CCBE1: variants seen among roughly 807,000 people sequenced by gnomAD.
The protein encoded by CCBE1 is collagen and calcium-binding EGF domain-containing protein 1.
CCBE1 carries 37 observed loss-of-function variants against 50.0 expected under a neutral mutation model. The observed-to-expected ratio is 0.74, with a 90% CI of 0.57 to 0.97. CCBE1 has a LOEUF of 0.97. Among genes scored for constraint, CCBE1 ranks in the 50% least tolerant of loss-of-function variants. The pLI is 0.00. For synonymous variants in CCBE1, 234 were observed against 203.7 expected (o/e 1.15, Z -1.27); for missense variants, 538 against 523.8 (o/e 1.03, Z -0.26).
chr18:59,601,665 TGA>T (rs2053436317), intron 2 of CCBE1, among the ~76,000 whole-genome samples: 1 of 152,242 alleles, frequency 6.6e-6, no homozygotes, highest in South Asian at 2.1e-4. Context: ...CCCAAAGTGC[TGA>T]GATTAGACAT....
chr18:59,493,836 T>C (rs867309634), intron 2 of CCBE1, among the ~76,000 whole-genome samples: 4 of 152,226 alleles, frequency 2.6e-5, no homozygotes, highest in African/African-American at 9.6e-5. Context: ...TAAGAGCTAA[T>C]TGAATCATGA....
chr18:59,618,091 G>A (rs138430464), intron 2 of CCBE1, among the ~76,000 whole-genome samples: 255 of 152,274 alleles, frequency 1.7e-3, no homozygotes, highest in Admixed American at 2.7e-3. Flanking sequence ...TGAGGTATAT[G>A]TCCCCCATAA....
chr18:59,621,430 C>T (rs561399703), intron 2 of CCBE1, among the ~76,000 whole-genome samples: 2 of 152,188 alleles, frequency 1.3e-5, no homozygotes, highest in Non-Finnish European at 2.9e-5. Context: ...TCCTCACATC[C>T]ACCCAGTGGA....
At chr18:59,449,843 C>A (rs1300610046) in intron 6 of CCBE1, among the ~76,000 whole-genome samples, 3 of 152,154 alleles carry the variant, frequency 2.0e-5, no homozygotes, top group Admixed American at 6.5e-5. Flanking sequence ...TCCCCCCAGT[C>A]CTCTTTGCTT....
chr18:59,612,465 G>C (rs2053583693), intron 2 of CCBE1, among the ~76,000 whole-genome samples: 1 of 152,136 alleles, frequency 6.6e-6, no homozygotes, highest in South Asian at 2.1e-4. Context: ...CTGATGGAGA[G>C]TGCTTCCCCC....
chr18:59,572,809 G>A (rs2052933287), intron 2 of CCBE1, among the ~76,000 whole-genome samples: 1 of 152,142 alleles, frequency 6.6e-6, no homozygotes, highest in East Asian at 1.9e-4. Context: ...GCAATGTCTT[G>A]AAGACATTAA....
upstream of CCBE1, chr18:59,697,521 G>T: frequency 1.2e-6 from 1 of 806,666 alleles, no homozygotes; most frequent in Non-Finnish European, 1.9e-6. Context: ...GGAAAATGAG[G>T]CTAGGAGTTG....
chr18:59,572,392 T>A (rs1331090849), intron 2 of CCBE1, among the ~76,000 whole-genome samples: 1 of 152,204 alleles, frequency 6.6e-6, no homozygotes. Flanking sequence ...ACAGATCGAT[T>A]TTTTGAGATT....
At chr18:59,547,667 A>G (rs73963231) in intron 2 of CCBE1, among the ~76,000 whole-genome samples, 7,163 of 152,236 alleles carry the variant, frequency 0.047, 568 homozygotes, top group African/African-American at 0.16. Flanking sequence ...GCTGAAGACA[A>G]TTTTGGTCTA....
intron 2 of CCBE1, among the ~76,000 whole-genome samples, chr18:59,663,300 C>G (rs1454433229): frequency 6.6e-6 from 1 of 152,124 alleles, no homozygotes; most frequent in East Asian, 1.9e-4. Flanking sequence ...AATATCTGAG[C>G]TTTAGTAATG....
At chr18:59,517,855 C>A (rs1914439580) in intron 2 of CCBE1, among the ~76,000 whole-genome samples, 1 of 152,224 alleles carries the variant, frequency 6.6e-6, no homozygotes, top group Admixed American at 6.5e-5. Context: ...TTTTCCTGAA[C>A]ATTCAACAAA....
intron 2 of CCBE1, among the ~76,000 whole-genome samples, chr18:59,668,418 A>AAATAATAATAATAATAAT (rs58896218): frequency 0.019 from 2,830 of 150,264 alleles, 88 homozygotes; most frequent in African/African-American, 0.067. Context: ...CTCCATCTCA[A>AAATAATAATAATAATAAT]AATAATAATA....
intron 3 of CCBE1, among the ~76,000 whole-genome samples, chr18:59,472,647 C>T (rs185129995): frequency 6.6e-6 from 1 of 152,226 alleles, no homozygotes; most frequent in East Asian, 1.9e-4. Flanking sequence ...CAGCCTACAG[C>T]TGCCTCCATG....
At chr18:59,604,904 G>A (rs1270982235) in intron 2 of CCBE1, among the ~76,000 whole-genome samples, 2 of 152,176 alleles carry the variant, frequency 1.3e-5, no homozygotes, top group South Asian at 2.1e-4. Context: ...GTCAAAATGG[G>A]GCAAGATGCC....
intron 2 of CCBE1, among the ~76,000 whole-genome samples, chr18:59,557,147 C>A (rs1300219613): frequency 1.3e-5 from 2 of 152,212 alleles, no homozygotes; most frequent in South Asian, 2.1e-4. Context: ...AAGCTCCCAG[C>A]AGAGGACTCC....
rs910886653 is a variant in CCBE1, at chr18:59,439,406, G to A, written c.951+137C>T. On this transcript the variant is annotated intron_variant, in intron 9 of 10. Coordinates refer to ENST00000439986, the MANE Select transcript of CCBE1 (RefSeq NM_133459.4). ...GGCTTGAGCCAGAGAGGCAGAGGCT[G>A]TAATGAGCCAAGATTGTGCCATTGC... 7.5e-5 allele frequency: 81 copies of A among 1,075,398 alleles called. No homozygotes were observed. In the African/African-American group the frequency reaches 1.2e-3, roughly 15 times the overall value. The allele number at this position is 1,075,398 out of a possible 1,614,324, so 66.6% of individuals were successfully genotyped here.
chr18:59,643,934 C>G (rs751835157), intron 2 of CCBE1, among the ~76,000 whole-genome samples: 1 of 152,198 alleles, frequency 6.6e-6, no homozygotes, highest in South Asian at 2.1e-4. Context: ...ATACAAGCAG[C>G]CTTTCCCTAA....
chr18:59,579,441 T>A (rs1475316897), intron 2 of CCBE1, among the ~76,000 whole-genome samples: 2 of 151,568 alleles, frequency 1.3e-5, no homozygotes, highest in African/African-American at 4.9e-5. Context: ...CCCCAGACAC[T>A]CTCATTCAGA....
At chr18:59,509,807 TTTACTAAA>T (rs199688785) in intron 2 of CCBE1, among the ~76,000 whole-genome samples, 2 of 132,216 alleles carry the variant, frequency 1.5e-5, no homozygotes, top group East Asian at 2.5e-4. Context: ...ATCGGGCTGA[TTTACTAAA>T]TTACTAAATT....
Sources: gnomAD v4.1 joint callset for allele counts (sites outside exome capture counted in the v4.1 genomes callset) on GRCh38, gnomAD v4.1.1 for gene constraint, MANE v1.5 for transcripts, NCBI Gene and HGNC (gene_info 2026-07-23, HGNC 2026-07-21) for gene names.